SH3RF3: variants seen among roughly 807,000 people sequenced by gnomAD.
SH3RF3 encodes the protein E3 ubiquitin-protein ligase SH3RF3.
A neutral mutation model predicts 66.3 loss-of-function variants in SH3RF3; 29 were observed. The observed-to-expected ratio is 0.44, with a 90% CI of 0.33 to 0.60. The LOEUF (loss-of-function observed/expected upper bound fraction) is 0.60. SH3RF3 is among the 20% of genes least tolerant of loss of function. The pLI is 0.04. For synonymous variants in SH3RF3, 583 were observed against 532.0 expected (o/e 1.10, Z -1.32); for missense variants, 1,194 against 1,190.9 (o/e 1.00, Z -0.04).
At chr2:109,161,880 G>A (rs1194515303) in intron 1 of SH3RF3, among the ~76,000 whole-genome samples, 1 of 150,514 alleles carries the variant, frequency 6.6e-6, no homozygotes, top group African/African-American at 2.5e-5. Flanking sequence ...ACAAGGTTTG[G>A]GGGACAAATA....
intron 1 of SH3RF3, among the ~76,000 whole-genome samples, chr2:109,285,958 A>G (rs548327097): frequency 1.3e-5 from 2 of 152,170 alleles, no homozygotes; most frequent in Admixed American, 1.3e-4. Context: ...CTGGGTTCTG[A>G]GGGTCCATGG....
intron 2 of SH3RF3, among the ~76,000 whole-genome samples, chr2:109,358,551 A>C (rs1682996851): frequency 6.6e-6 from 1 of 152,172 alleles, no homozygotes; most frequent in Admixed American, 6.5e-5. Context: ...CCACATCCTC[A>C]TCAACACACT....
intron 4 of SH3RF3, among the ~76,000 whole-genome samples, chr2:109,414,004 C>A (rs1214316085): frequency 6.6e-6 from 1 of 152,246 alleles, no homozygotes; most frequent in Non-Finnish European, 1.5e-5. Flanking sequence ...GCTTCCTTGG[C>A]CATTCCACAG....
chr2:109,161,387 CT>C (rs1399759391), intron 1 of SH3RF3, among the ~76,000 whole-genome samples: 2 of 152,060 alleles, frequency 1.3e-5, no homozygotes, highest in Non-Finnish European at 2.9e-5. Flanking sequence ...GAGGGGCAGC[CT>C]CCTGAGCCTT....
intron 7 of SH3RF3, among the ~76,000 whole-genome samples, chr2:109,442,357 A>G (rs528989345): frequency 5.0e-4 from 76 of 152,176 alleles, no homozygotes; most frequent in Non-Finnish European, 8.8e-4. Context: ...AAAGGTAAAA[A>G]TGAAATTATT....
intron 2 of SH3RF3, among the ~76,000 whole-genome samples, chr2:109,367,300 A>G (rs766848745): frequency 8.5e-4 from 125 of 147,344 alleles, no homozygotes; most frequent in Non-Finnish European, 1.5e-3. Flanking sequence ...TTTTATTTTT[A>G]GATGGAGTCT....
intron 1 of SH3RF3, among the ~76,000 whole-genome samples, chr2:109,295,885 C>A (rs1389104326): frequency 3.9e-5 from 6 of 152,190 alleles, no homozygotes; most frequent in Non-Finnish European, 7.3e-5. Context: ...TAAGTGGGAG[C>A]TCCTTAGAGG....
intron 1 of SH3RF3, among the ~76,000 whole-genome samples, chr2:109,253,033 T>C (rs1217604926): frequency 6.6e-6 from 1 of 152,178 alleles, no homozygotes; most frequent in East Asian, 1.9e-4. Context: ...TTTTTTTCTT[T>C]TTTTTTATTT....
intron 1 of SH3RF3, among the ~76,000 whole-genome samples, chr2:109,316,713 T>G (rs187809096): frequency 1.5e-3 from 234 of 152,238 alleles, no homozygotes; most frequent in Non-Finnish European, 2.8e-3. Context: ...ATTCCACGGG[T>G]TTGGACAAAT....
chr2:109,158,546 G>A (rs1026572441), intron 1 of SH3RF3, among the ~76,000 whole-genome samples: 9 of 152,180 alleles, frequency 5.9e-5, no homozygotes, highest in Non-Finnish European at 1.2e-4. Flanking sequence ...GTCCAGAGGC[G>A]CTCAGGGCTG....
rs570022236 is a variant in SH3RF3 at position 109,194,939 on chromosome 2, AAGT to A, written c.573+64829_573+64831del. Among the ~76,000 whole-genome samples, 199 of 152,328 alleles carry A rather than the reference AAGT, an allele frequency of 1.3e-3. 2 individuals are homozygous for A. The highest frequency in any genetic ancestry group is 4.7e-3 in the African/African-American group (196 of 41,582). On this transcript the variant is annotated intron_variant, in intron 1 of 9. Coordinates refer to ENST00000309415, the MANE Select transcript of SH3RF3 (RefSeq NM_001099289.3). ...AAGAAAAAAATCCAAGGAAGGGAGA[AAGT>A]AGAGGAGCTGGGGAGGGAACCCCAA...
At chr2:109,224,039 T>C (rs1364306859) in intron 1 of SH3RF3, among the ~76,000 whole-genome samples, 1 of 152,202 alleles carries the variant, frequency 6.6e-6, no homozygotes, top group Non-Finnish European at 1.5e-5. Context: ...TCCACATGGC[T>C]CATTAATGGA....
chr2:109,141,144 C>G (rs1054004337), intron 1 of SH3RF3, among the ~76,000 whole-genome samples: 1 of 152,196 alleles, frequency 6.6e-6, no homozygotes, highest in African/African-American at 2.4e-5. Flanking sequence ...ACCACACCCC[C>G]CGGAGCCCAG....
At chr2:109,263,969 A>C in intron 1 of SH3RF3, among the ~76,000 whole-genome samples, 1 of 152,228 alleles carries the variant, frequency 6.6e-6, no homozygotes, top group East Asian at 1.9e-4. Flanking sequence ...TCTCCATCTC[A>C]AAAAGAAAGA....
intron 5 of SH3RF3, among the ~76,000 whole-genome samples, chr2:109,420,611 A>G (rs1676850038): frequency 6.6e-6 from 1 of 151,942 alleles, no homozygotes; most frequent in Admixed American, 6.6e-5. Context: ...ACGCCTGGCT[A>G]AATTTTTGTA....
chr2:109,317,368 G>T (rs550536876), intron 1 of SH3RF3, among the ~76,000 whole-genome samples: 3 of 152,124 alleles, frequency 2.0e-5, no homozygotes, highest in Non-Finnish European at 4.4e-5. Flanking sequence ...GCCCCAGGGG[G>T]TGGAGGAGAG....
At chr2:109,147,355 G>C (rs1047360031) in intron 1 of SH3RF3, among the ~76,000 whole-genome samples, 1 of 152,170 alleles carries the variant, frequency 6.6e-6, no homozygotes, top group Admixed American at 6.5e-5. Context: ...CTATCTCTGC[G>C]CTGATAAGCA....
intron 1 of SH3RF3, among the ~76,000 whole-genome samples, chr2:109,155,586 C>A (rs1677327528): frequency 6.6e-6 from 1 of 152,200 alleles, no homozygotes; most frequent in Non-Finnish European, 1.5e-5. Flanking sequence ...CAGGCCTGAG[C>A]CACCGTGCCT....
intron 1 of SH3RF3, among the ~76,000 whole-genome samples, chr2:109,224,639 C>T (rs1679330502): frequency 6.6e-6 from 1 of 152,186 alleles, no homozygotes; most frequent in Admixed American, 6.5e-5. Context: ...GGGCAGATCA[C>T]TTGAGGTCAG....
Sources: allele counts gnomAD v4.1 joint callset (sites outside exome capture counted in the v4.1 genomes callset), GRCh38; gene constraint gnomAD v4.1.1; transcripts MANE v1.5; gene names NCBI Gene and HGNC (gene_info 2026-07-23, HGNC 2026-07-21).